Variants in NDST4 observed in about 807,000 individuals in gnomAD.
NDST4 encodes N-heparan sulfate sulfotransferase 4.
NDST4 carries 63 observed loss-of-function variants against 100.8 expected under a neutral mutation model. That is an observed-to-expected ratio of 0.62 (90% CI 0.51 to 0.77). NDST4 has a LOEUF of 0.77. NDST4 is among the 30% of genes least tolerant of loss of function. The pLI is 0.00. For synonymous variants in NDST4, 377 were observed against 361.8 expected (o/e 1.04, Z -0.48); for missense variants, 943 against 1,018.4 (o/e 0.93, Z 1.01).
intron 11 of NDST4, among the ~76,000 whole-genome samples, chr4:114,834,711 T>C (rs1389390832): frequency 1.3e-5 from 2 of 152,160 alleles, no homozygotes; most frequent in Admixed American, 6.6e-5. Context: ...TTTGTAACTC[T>C]GGTAGAATTC....
At chr4:114,924,856 A>G (rs1353005356) in intron 6 of NDST4, among the ~76,000 whole-genome samples, 1 of 152,170 alleles carries the variant, frequency 6.6e-6, no homozygotes, top group Admixed American at 6.6e-5. Flanking sequence ...TGTTGCTAGC[A>G]CAAAGAAAAG....
At chr4:114,901,533 T>C (rs1724838083) in intron 6 of NDST4, among the ~76,000 whole-genome samples, 1 of 152,010 alleles carries the variant, frequency 6.6e-6, no homozygotes, top group Admixed American at 6.6e-5. Flanking sequence ...ATATTTGAAG[T>C]GAATTTCTTG....
chr4:115,029,875 G>A (rs1728077780), intron 2 of NDST4, among the ~76,000 whole-genome samples: 1 of 152,106 alleles, frequency 6.6e-6, no homozygotes, highest in African/African-American at 2.4e-5. Flanking sequence ...AAGGTTGACT[G>A]TGTATGCAAG....
At chr4:114,877,314 A>G (rs1724276570) in intron 6 of NDST4, among the ~76,000 whole-genome samples, 1 of 152,206 alleles carries the variant, frequency 6.6e-6, no homozygotes, top group Non-Finnish European at 1.5e-5. Context: ...AATCTAAAAT[A>G]TCACTTACAT....
chr4:114,855,454 G>A (rs970246870), intron 7 of NDST4, among the ~76,000 whole-genome samples: 5 of 151,986 alleles, frequency 3.3e-5, no homozygotes, highest in African/African-American at 9.7e-5. Flanking sequence ...TTTTGTGTAC[G>A]GAGAGAGATA....
At chr4:114,987,926 T>G (rs1371892024) in intron 2 of NDST4, among the ~76,000 whole-genome samples, 4 of 152,216 alleles carry the variant, frequency 2.6e-5, no homozygotes, top group Non-Finnish European at 5.9e-5. Flanking sequence ...CTACTTATTA[T>G]GCAATGCAAA....
At chr4:114,987,771 C>T (rs76438367) in intron 2 of NDST4, among the ~76,000 whole-genome samples, 2,272 of 152,218 alleles carry the variant, frequency 0.015, 65 homozygotes, top group African/African-American at 0.051. Flanking sequence ...TTATCTTTTA[C>T]CTCAAATAAT....
chr4:114,857,048 G>A (rs992967626), intron 7 of NDST4, among the ~76,000 whole-genome samples: 4 of 152,164 alleles, frequency 2.6e-5, no homozygotes, highest in South Asian at 2.1e-4. Context: ...TAAGGCTGAA[G>A]TACAAGCCAC....
chr4:115,031,280 T>G (rs559767799), intron 2 of NDST4, among the ~76,000 whole-genome samples: 25 of 152,202 alleles, frequency 1.6e-4, no homozygotes, highest in Middle Eastern at 6.8e-3. Context: ...CCAGACATGT[T>G]GCTCTGGCTT....
At chr4:114,997,863 T>C (rs895554562) in intron 2 of NDST4, among the ~76,000 whole-genome samples, 5 of 152,068 alleles carry the variant, frequency 3.3e-5, no homozygotes, top group Non-Finnish European at 7.4e-5. Context: ...CTGATTATAA[T>C]AGACAAATAA....
intron 2 of NDST4, among the ~76,000 whole-genome samples, chr4:115,025,516 T>C (rs1474364843): frequency 1.3e-5 from 2 of 152,172 alleles, no homozygotes; most frequent in Non-Finnish European, 2.9e-5. Context: ...GAGTTCCTGA[T>C]AGAATTTAAC....
intron 2 of NDST4, among the ~76,000 whole-genome samples, chr4:115,067,330 G>A (rs950680750): frequency 2.0e-5 from 3 of 152,118 alleles, no homozygotes; most frequent in Non-Finnish European, 4.4e-5. Context: ...CATTGAGTCT[G>A]AGGTATGAAA....
At chr4:114,882,160 TA>T (rs1724383826) in intron 6 of NDST4, among the ~76,000 whole-genome samples, 1 of 151,930 alleles carries the variant, frequency 6.6e-6, no homozygotes, top group African/African-American at 2.4e-5. Flanking sequence ...TTTTAGTTTT[TA>T]GTTTTCCTCT....
At chr4:114,929,050 G>A (rs537458576) in intron 6 of NDST4, among the ~76,000 whole-genome samples, 49 of 87,934 alleles carry the variant, frequency 5.6e-4, no homozygotes, top group African/African-American at 1.5e-3. Context: ...CTGTCCGTCC[G>A]TCCGTCCGTC....
At chr4:115,018,644 T>C (rs904548717) in intron 2 of NDST4, among the ~76,000 whole-genome samples, 1 of 151,978 alleles carries the variant, frequency 6.6e-6, no homozygotes, top group Non-Finnish European at 1.5e-5. Context: ...GGCAGAGTTT[T>C]ACATGACTAC....
chr4:114,903,653 T>C (rs1724892264), intron 6 of NDST4, among the ~76,000 whole-genome samples: 1 of 151,992 alleles, frequency 6.6e-6, no homozygotes, highest in Non-Finnish European at 1.5e-5. Flanking sequence ...TTGTTGATTG[T>C]TTAGTTTGTT....
chr4:115,107,659 T>C (rs1729858218), intron 1 of NDST4, among the ~76,000 whole-genome samples: 1 of 151,996 alleles, frequency 6.6e-6, no homozygotes, highest in African/African-American at 2.4e-5. Flanking sequence ...TACTGTGGGG[T>C]CTTTATTTAT....
chr4:114,968,969 A>G (rs1726443677), intron 4 of NDST4, among the ~76,000 whole-genome samples: 1 of 152,198 alleles, frequency 6.6e-6, no homozygotes, highest in Non-Finnish European at 1.5e-5. Context: ...TCTGTGTTTC[A>G]GAAGTCTTCT....
At chr4:114,854,833 T>C (rs1723758752) in intron 7 of NDST4, among the ~76,000 whole-genome samples, 1 of 152,200 alleles carries the variant, frequency 6.6e-6, no homozygotes, top group Non-Finnish European at 1.5e-5. Context: ...AGTTCTATTT[T>C]TCGTTTTGTG....
Sources: allele counts gnomAD v4.1 joint callset (sites outside exome capture counted in the v4.1 genomes callset), GRCh38; gene constraint gnomAD v4.1.1; transcripts MANE v1.5; gene names NCBI Gene and HGNC (gene_info 2026-07-23, HGNC 2026-07-21).